MCC: variants seen among roughly 807,000 people sequenced by gnomAD.
MCC encodes the protein MCC regulator of Wnt signaling pathway.
In MCC, 90 loss-of-function variants were observed where a neutral mutation model predicts 116.2. That is an observed-to-expected ratio of 0.77 (90% CI 0.65 to 0.92). The LOEUF is 0.92. Among genes scored for constraint, MCC ranks in the 40% least tolerant of loss-of-function variants. MCC has a pLI of 0.00. For synonymous variants in MCC, 578 were observed against 510.5 expected, an observed-to-expected ratio of 1.13 and a Z score of -1.78; for missense variants, 1,516 against 1,312.2, an observed-to-expected ratio of 1.16 and a Z score of -2.40.
intron 6 of MCC, among the ~76,000 whole-genome samples, chr5:113,112,652 C>T (rs1411192686): frequency 6.6e-6 from 1 of 152,182 alleles, no homozygotes; most frequent in African/African-American, 2.4e-5. Flanking sequence ...AGGAAGCCTT[C>T]CCAGCCCTTT....
intron 3 of MCC, among the ~76,000 whole-genome samples, chr5:113,338,080 G>C (rs543397018): frequency 6.6e-6 from 1 of 152,250 alleles, no homozygotes; most frequent in Admixed American, 6.5e-5. Context: ...TCTACCACAG[G>C]GTCCAAGGGC....
At chr5:113,151,883 G>A (rs1759896939) in intron 3 of MCC, among the ~76,000 whole-genome samples, 1 of 151,084 alleles carries the variant, frequency 6.6e-6, no homozygotes. Flanking sequence ...ATATGTGACA[G>A]GCAGACAGGC....
At chr5:113,279,535 A>G (rs1765955119) in intron 3 of MCC, among the ~76,000 whole-genome samples, 3 of 152,238 alleles carry the variant, frequency 2.0e-5, no homozygotes, top group Admixed American at 2.0e-4. Context: ...TTGCAAATGA[A>G]TATCGGAGCT....
chr5:113,373,660 A>G (rs1768896787), intron 2 of MCC, among the ~76,000 whole-genome samples: 1 of 152,224 alleles, frequency 6.6e-6, no homozygotes. Flanking sequence ...AAATTTAAAC[A>G]GATTCTTCCT....
At chr5:113,381,914 G>T (rs1769134266) in intron 2 of MCC, among the ~76,000 whole-genome samples, 1 of 152,228 alleles carries the variant, frequency 6.6e-6, no homozygotes, top group Admixed American at 6.5e-5. Context: ...GTAAACAGGA[G>T]AACATGGTGT....
intron 3 of MCC, among the ~76,000 whole-genome samples, chr5:113,290,788 A>T (rs1446257494): frequency 6.6e-6 from 1 of 152,158 alleles, no homozygotes; most frequent in Non-Finnish European, 1.5e-5. Context: ...ATCATGGGGG[A>T]GAGAGGTTGA....
intron 3 of MCC, among the ~76,000 whole-genome samples, chr5:113,178,321 G>C (rs1310123715): frequency 6.6e-6 from 1 of 152,188 alleles, no homozygotes; most frequent in Non-Finnish European, 1.5e-5. Flanking sequence ...TCCTAGCAAG[G>C]TGGCTAGGGG....
rs536411126 is a variant in MCC at position 113,095,644 on chromosome 5, G to A, written c.1398+6095C>T. Among the ~76,000 whole-genome samples the A allele has an allele frequency of 2.6e-5, 4 of 151,712 alleles. 1 individual carries two copies. The highest frequency in any genetic ancestry group is 1.9e-4 in the East Asian group (1 of 5,156). ...AAGCCATTTTCCCACCTCAGCCCCC[G>A]AGTAGCTGGGACTATGGGTGCACAC... is the stretch of plus-strand genomic sequence containing the variant. On this transcript the variant is annotated intron_variant, in intron 8 of 18. Coordinates refer to ENST00000408903, the MANE Select transcript of MCC (RefSeq NM_001085377.2).
At chr5:113,355,708 T>A (rs1427668142) in intron 2 of MCC, among the ~76,000 whole-genome samples, 1 of 152,012 alleles carries the variant, frequency 6.6e-6, no homozygotes, top group East Asian at 1.9e-4. Flanking sequence ...AAGGTCAAGC[T>A]CTGCAGTGTC....
At chr5:113,366,966 T>TA (rs934299974) in intron 2 of MCC, among the ~76,000 whole-genome samples, 4 of 152,092 alleles carry the variant, frequency 2.6e-5, no homozygotes, top group African/African-American at 7.2e-5. Context: ...CATGTCTGGC[T>TA]AATTTTTAAA....
chr5:113,239,068 G>A (rs754041028), intron 3 of MCC, among the ~76,000 whole-genome samples: 6 of 151,644 alleles, frequency 4.0e-5, no homozygotes, highest in Non-Finnish European at 7.4e-5. Flanking sequence ...CTGCTTTTTA[G>A]GATATATAAC....
intron 3 of MCC, among the ~76,000 whole-genome samples, chr5:113,267,742 A>T (rs938937059): frequency 1.3e-5 from 2 of 152,224 alleles, no homozygotes; most frequent in Middle Eastern, 3.2e-3. Flanking sequence ...GACTGCTAAT[A>T]GCCTTTCTTT....
At position 113,023,776 on chromosome 5, in the gene MCC, G is replaced by C. The variant is rs1204600913; in HGVS notation, c.*3526C>G. On this transcript the variant is annotated 3_prime_UTR_variant, in exon 19 of 19. Coordinates refer to ENST00000408903, the MANE Select transcript of MCC (RefSeq NM_001085377.2). The stretch of plus-strand genomic sequence containing the variant: ...CATCTTGATATGTTATCACTTTAAA[G>C]CTTGATAATCGAAACTCTTGAGAGC... The C allele has an allele frequency of 1.3e-5, 2 of 152,138 alleles. No homozygotes were observed. The highest frequency in any genetic ancestry group is 2.9e-5 in the Non-Finnish European group (2 of 68,024). The allele number at this position is 152,138 out of a possible 1,614,324, so 9.4% of individuals were successfully genotyped here. A position where few individuals can be genotyped will look rare whatever the true frequency, so the allele number is the denominator to read the frequency against.
At position 113,027,239 on chromosome 5, in the gene MCC, C is replaced by T. The variant is rs1466825871; in HGVS notation, c.*63G>A. ...CCTCCCAACAAGTACATGGGCCCTT[C>T]TGTCCCCAGTGGCCTGCTGCAGTTT... On this transcript the variant is annotated 3_prime_UTR_variant, in exon 19 of 19. Coordinates refer to ENST00000408903, the MANE Select transcript of MCC (RefSeq NM_001085377.2). 5 of 1,557,782 alleles carry T rather than the reference C, an allele frequency of 3.2e-6. No individual in the cohort carries two copies. Among genetic ancestry groups the T allele is most frequent in the Non-Finnish European group, 4.4e-6 (5 of 1,142,506 alleles).
intron 8 of MCC, among the ~76,000 whole-genome samples, chr5:113,101,087 T>C (rs546860306): frequency 1.4e-4 from 22 of 152,180 alleles, no homozygotes; most frequent in African/African-American, 5.3e-4. Context: ...CCTTCAGTAA[T>C]GGATACATGT....
chr5:113,205,525 A>G (rs1030027101), intron 3 of MCC, among the ~76,000 whole-genome samples: 10 of 152,320 alleles, frequency 6.6e-5, no homozygotes, highest in African/African-American at 1.7e-4. Context: ...TGCTCTGTGT[A>G]TCTACCAGGG....
chr5:113,028,829 A>G, intron 18 of MCC, 105 bp downstream of exon 18: 1 of 1,349,672 alleles, frequency 7.4e-7, no homozygotes, highest in Non-Finnish European at 1.0e-6. Flanking sequence ...TTAGTTCTTA[A>G]GAGTTAGGGA....
At chr5:113,389,032 C>T (rs1241944531) in intron 1 of MCC, among the ~76,000 whole-genome samples, 1 of 152,134 alleles carries the variant, frequency 6.6e-6, no homozygotes, top group East Asian at 1.9e-4. Context: ...TTATATCAAA[C>T]CAGAAAATTA....
chr5:113,313,516 G>T (rs1004652015), intron 3 of MCC, among the ~76,000 whole-genome samples: 1 of 152,088 alleles, frequency 6.6e-6, no homozygotes, highest in African/African-American at 2.4e-5. Flanking sequence ...GAGGAAGGAG[G>T]GTTGGAGATA....
Sources: allele counts gnomAD v4.1 joint callset (sites outside exome capture counted in the v4.1 genomes callset), GRCh38; gene constraint gnomAD v4.1.1; transcripts MANE v1.5; gene names NCBI Gene and HGNC (gene_info 2026-07-23, HGNC 2026-07-21).